Variants in DGKB observed in about 807,000 individuals in gnomAD.
DGKB encodes the protein 90 kDa diacylglycerol kinase.
Under a neutral mutation model 114.3 loss-of-function variants are expected in DGKB, and 67 were observed. The observed-to-expected ratio is 0.59, with a 90% confidence interval of 0.48 to 0.72. The LOEUF (loss-of-function observed/expected upper bound fraction) is 0.72, where lower values mean the gene tolerates loss of function less well. Among genes scored for constraint, DGKB ranks in the 30% least tolerant of loss-of-function variants. The probability of loss-of-function intolerance (pLI) is 0.00; values close to 1 mark genes in which losing one functional copy is unlikely to be tolerated. For synonymous variants in DGKB, 398 were observed against 323.1 expected (o/e 1.23, Z -2.49); for missense variants, 907 against 975.2 (o/e 0.93, Z 0.93).
At chr7:14,520,701 G>A (rs6959924) in intron 20 of DGKB, among the ~76,000 whole-genome samples, 65,459 of 151,732 alleles carry the variant, frequency 0.43, 14,954 homozygotes, top group East Asian at 0.72. Flanking sequence ...TATGATGTCA[G>A]TCTTTTTATA....
intron 1 of DGKB, among the ~76,000 whole-genome samples, chr7:14,865,164 A>G (rs1851528189): frequency 6.6e-6 from 1 of 152,150 alleles, no homozygotes; most frequent in African/African-American, 2.4e-5. Context: ...GGAGCAACAG[A>G]CTTGTGTTAG....
rs370730136 is a variant in DGKB at position 14,615,720 on chromosome 7, C to A, written c.1285-2307G>T. On this transcript the variant is annotated intron_variant, in intron 15 of 25. Coordinates refer to ENST00000402815, the MANE Select transcript of DGKB (RefSeq NM_001350709.2). ...CCATTATTTTACATAATACTTCTCTCATTATTGAGTATGAGTTCATTTTCA... is the reference window on the plus strand; with the variant it reads ...CCATTATTTTACATAATACTTCTCTAATTATTGAGTATGAGTTCATTTTCA... 1.6e-3 allele frequency among the ~76,000 whole-genome samples: 239 copies of A among 151,814 alleles called. 11 individuals carry two copies. In the South Asian group the frequency reaches 0.048, roughly 30 times the overall value.
intron 1 of DGKB, among the ~76,000 whole-genome samples, chr7:14,913,940 A>G (rs1397442984): frequency 1.3e-5 from 2 of 152,146 alleles, no homozygotes; most frequent in Non-Finnish European, 2.9e-5. Flanking sequence ...AGCCGAGATC[A>G]GCTTACCTAG....
intron 20 of DGKB, among the ~76,000 whole-genome samples, chr7:14,481,524 C>T (rs545246243): frequency 6.6e-6 from 1 of 151,802 alleles, no homozygotes; most frequent in Non-Finnish European, 1.5e-5. Flanking sequence ...TAAAATTTGT[C>T]GAGTAAATTG....
At chr7:14,192,176 C>A in intron 23 of DGKB, 2 of 300,732 alleles carry the variant, frequency 6.7e-6, no homozygotes, top group Non-Finnish European at 1.3e-5. Flanking sequence ...TCAAATTGTC[C>A]CTATTTGTAG....
At chr7:14,642,977 C>T (rs6947404) in intron 13 of DGKB, among the ~76,000 whole-genome samples, 5 of 152,036 alleles carry the variant, frequency 3.3e-5, no homozygotes, top group African/African-American at 9.7e-5. Flanking sequence ...TAAGATTTCC[C>T]GACACCATCA....
At chr7:14,158,760 CTGAT>C (rs1451674119) in intron 25 of DGKB, among the ~76,000 whole-genome samples, 3 of 152,046 alleles carry the variant, frequency 2.0e-5, no homozygotes, top group African/African-American at 7.2e-5. Flanking sequence ...AGAGAGGAAA[CTGAT>C]TGTTTTTTCA....
At chr7:14,952,308 C>T (rs1786245909) in intron 1 of DGKB, among the ~76,000 whole-genome samples, 1 of 151,930 alleles carries the variant, frequency 6.6e-6, no homozygotes, top group Admixed American at 6.6e-5. Flanking sequence ...TTGCCCAAGC[C>T]ACCCAATTTA....
At chr7:14,715,754 AT>A (rs1828082073) in intron 6 of DGKB, among the ~76,000 whole-genome samples, 1 of 152,208 alleles carries the variant, frequency 6.6e-6, no homozygotes. Flanking sequence ...GGGTTCTCGA[AT>A]AACACCCTTT....
chr7:14,566,981 A>ATTTGTGCTTGTATTTG (rs1797482819), intron 20 of DGKB, among the ~76,000 whole-genome samples: 1 of 147,832 alleles, frequency 6.8e-6, no homozygotes, highest in Non-Finnish European at 1.5e-5. Flanking sequence ...ATTTTCAAAA[A>ATTTGTGCTTGTATTTG]TGTTGTATTT....
intron 10 of DGKB, among the ~76,000 whole-genome samples, chr7:14,683,745 T>G (rs1321605956): frequency 1.3e-5 from 2 of 151,996 alleles, no homozygotes; most frequent in African/African-American, 4.8e-5. Flanking sequence ...AAACACTAAA[T>G]CTAAATAATA....
intron 2 of DGKB, among the ~76,000 whole-genome samples, chr7:14,818,511 C>T (rs1586709455): frequency 2.6e-5 from 4 of 152,162 alleles, no homozygotes; most frequent in African/African-American, 9.7e-5. Flanking sequence ...CCTTTCCCTT[C>T]TGCTTCCTGC....
intron 21 of DGKB, among the ~76,000 whole-genome samples, chr7:14,413,572 A>G (rs1825237538): frequency 6.6e-6 from 1 of 152,122 alleles, no homozygotes; most frequent in Non-Finnish European, 1.5e-5. Flanking sequence ...GTCTTGAGGT[A>G]TTCCAGGTAA....
intron 23 of DGKB, among the ~76,000 whole-genome samples, chr7:14,328,187 C>A (rs1216472762): frequency 6.6e-6 from 1 of 151,978 alleles, no homozygotes; most frequent in Non-Finnish European, 1.5e-5. Context: ...TTTTATGTAG[C>A]TTTTTGGGTT....
intron 14 of DGKB, among the ~76,000 whole-genome samples, chr7:14,623,420 T>A (rs1808001314): frequency 6.6e-6 from 1 of 152,122 alleles, no homozygotes; most frequent in African/African-American, 2.4e-5. Flanking sequence ...GTATTTAGAG[T>A]GATCATTGCC....
intron 21 of DGKB, among the ~76,000 whole-genome samples, chr7:14,386,168 G>A (rs1233630836): frequency 2.0e-5 from 3 of 152,146 alleles, no homozygotes; most frequent in Non-Finnish European, 4.4e-5. Context: ...CTGTACGCCT[G>A]AAAGCTTCTA....
At chr7:14,342,427 C>T (rs541119296) in intron 22 of DGKB, among the ~76,000 whole-genome samples, 306 of 151,760 alleles carry the variant, frequency 2.0e-3, no homozygotes, top group Non-Finnish European at 3.1e-3. Context: ...CCTCCAAATA[C>T]TTTAATATAA....
chr7:14,852,496 A>AAAAAAAAAAAAAAAAAAAT (rs74765279), intron 1 of DGKB, among the ~76,000 whole-genome samples: 13 of 149,012 alleles, frequency 8.7e-5, no homozygotes, highest in Non-Finnish European at 8.9e-5. Flanking sequence ...TCAAAAAAAA[A>AAAAAAAAAAAAAAAAAAAT]ACAGAAATCA....
intron 20 of DGKB, among the ~76,000 whole-genome samples, chr7:14,521,498 T>C (rs1350705715): frequency 6.6e-6 from 1 of 152,194 alleles, no homozygotes; most frequent in Non-Finnish European, 1.5e-5. Flanking sequence ...TTTCAAACAT[T>C]ATATTCTTTT....
Sources: allele counts gnomAD v4.1 joint callset (sites outside exome capture counted in the v4.1 genomes callset), GRCh38; gene constraint gnomAD v4.1.1; transcripts MANE v1.5; gene names NCBI Gene and HGNC (gene_info 2026-07-23, HGNC 2026-07-21).